Variants in CFAP263 observed in about 807,000 individuals in gnomAD.
CFAP263 encodes the protein cilia and flagella associated protein 263.
chr16:58,253,855 G>A, the CFAP263 span: 2,216 of 794,728 alleles, frequency 2.8e-3, 56 homozygotes, highest in East Asian at 0.054. Context: ...CTAATATCCA[G>A]CATCCTTTTA....
the CFAP263 span, chr16:58,252,937 C>T: frequency 7.2e-7 from 1 of 1,379,574 alleles, no homozygotes; most frequent in Non-Finnish European, 1.0e-6. Context: ...TTTGGTGCGC[C>T]CTCTGTGGCC....
the CFAP263 span, among the ~76,000 whole-genome samples, chr16:58,261,998 G>A: frequency 6.6e-6 from 1 of 152,038 alleles, no homozygotes; most frequent in African/African-American, 2.4e-5. Context: ...TCCTGTTTAG[G>A]CAACACCCAC....
chr16:58,258,892 C>T, the CFAP263 span, among the ~76,000 whole-genome samples: 13 of 152,062 alleles, frequency 8.5e-5, no homozygotes, highest in East Asian at 3.9e-4. Flanking sequence ...GCAGGAGAAT[C>T]GCTTGAGCCT....
the CFAP263 span, chr16:58,283,120 G>A: frequency 0.1 from 15,793 of 152,294 alleles, 910 homozygotes; most frequent in Admixed American, 0.13. Flanking sequence ...CAAAAGCCCT[G>A]ACAGTGGTAG....
chr16:58,265,805 G>A, the CFAP263 span, among the ~76,000 whole-genome samples: 252 of 152,330 alleles, frequency 1.7e-3, 1 homozygote, highest in African/African-American at 5.5e-3. Flanking sequence ...TCTTGACTCA[G>A]CATCACCAAT....
chr16:58,249,964 A>T, the CFAP263 span: 1 of 1,271,918 alleles, frequency 7.9e-7, no homozygotes, highest in Non-Finnish European at 1.1e-6. Context: ...GGCCGCCGGC[A>T]CCCGGAGCTC....
the CFAP263 span, chr16:58,254,096 G>A: frequency 6.5e-5 from 105 of 1,614,098 alleles, no homozygotes; most frequent in Non-Finnish European, 7.9e-5. Context: ...AAGAGGTTGC[G>A]GACATGAAGG....
chr16:58,273,848 G>A, the CFAP263 span, among the ~76,000 whole-genome samples: 20 of 152,124 alleles, frequency 1.3e-4, 1 homozygote, highest in African/African-American at 4.8e-4. Context: ...TACTTGTTTA[G>A]TGACTTGGCT....
chr16:58,279,345 C>G, the CFAP263 span, among the ~76,000 whole-genome samples: 194 of 152,290 alleles, frequency 1.3e-3, 1 homozygote, highest in Non-Finnish European at 1.9e-3. Context: ...TTTGTCCTGC[C>G]TCTCCTGCGG....
chr16:58,252,730 T>C, the CFAP263 span: 4 of 1,613,334 alleles, frequency 2.5e-6, no homozygotes, highest in Admixed American at 3.3e-5. Context: ...CTTGCAGCTA[T>C]GTAAACTCTG....
At chr16:58,262,665 T>G in the CFAP263 span, 6 of 865,930 alleles carry the variant, frequency 6.9e-6, no homozygotes, top group Non-Finnish European at 8.5e-6. Context: ...TGTCAAGCCA[T>G]GTGTCCTAAA....
chr16:58,259,575 A>G, the CFAP263 span, among the ~76,000 whole-genome samples: 19 of 152,334 alleles, frequency 1.2e-4, no homozygotes, highest in Middle Eastern at 6.8e-3. Context: ...TCGTAAGATC[A>G]TTTTGTCAGG....
At chr16:58,254,270 G>A in the CFAP263 span, 8 of 1,197,336 alleles carry the variant, frequency 6.7e-6, no homozygotes, top group Non-Finnish European at 9.6e-6. Context: ...AAGAAACACA[G>A]GTAGGATGAA....
the CFAP263 span, chr16:58,249,983 A>T: frequency 6.9e-7 from 1 of 1,447,766 alleles, no homozygotes; most frequent in Non-Finnish European, 9.5e-7. Flanking sequence ...TCCTGGGCAC[A>T]CGGCATTGGC....
the CFAP263 span, among the ~76,000 whole-genome samples, chr16:58,266,391 A>G: frequency 1.2e-4 from 4 of 33,538 alleles, no homozygotes; most frequent in African/African-American, 4.0e-4. Context: ...ATATATATAT[A>G]TATATATATA....
the CFAP263 span, chr16:58,267,658 A>G: frequency 1.1e-6 from 1 of 917,634 alleles, no homozygotes; most frequent in Non-Finnish European, 1.7e-6. Context: ...GTCAAGGTCC[A>G]CCAAGATCTA....
At chr16:58,255,949 A>G in the CFAP263 span, among the ~76,000 whole-genome samples, 965 of 152,330 alleles carry the variant, frequency 6.3e-3, 13 homozygotes, top group African/African-American at 0.022. Flanking sequence ...AGTGAGTCCA[A>G]TACAGTCAGT....
chr16:58,278,544 A>G, the CFAP263 span: 4 of 1,614,198 alleles, frequency 2.5e-6, no homozygotes, highest in Non-Finnish European at 3.4e-6. Context: ...AGTTCCGGGC[A>G]CCACAGGTGA....
the CFAP263 span, among the ~76,000 whole-genome samples, chr16:58,262,832 A>G: frequency 1.1e-5 from 1 of 95,016 alleles, no homozygotes; most frequent in East Asian, 2.6e-4. Flanking sequence ...CACCCTGACT[A>G]ATTGAATTAG....
Sources: gnomAD v4.1 joint callset for allele counts (sites outside exome capture counted in the v4.1 genomes callset) on GRCh38, gnomAD v4.1.1 for gene constraint, MANE v1.5 for transcripts, NCBI Gene and HGNC (gene_info 2026-07-23, HGNC 2026-07-21) for gene names.